The following SMARCA5 variants were observed in gnomAD, a reference collection of about 807,000 sequenced individuals.
SMARCA5 encodes the protein SWI/SNF-related matrix-associated actin-dependent regulator of chromatin subfamily A member 5.
SMARCA5 carries 18 observed loss-of-function variants against 140.4 expected under a neutral mutation model. The observed-to-expected ratio is 0.13, with a 90% confidence interval of 0.09 to 0.19. The LOEUF is 0.19. SMARCA5 is among the 10% of genes least tolerant of loss of function. The pLI, the probability that SMARCA5 is intolerant of heterozygous loss-of-function variation, is 1.00. For synonymous variants in SMARCA5, 449 were observed against 419.6 expected, an observed-to-expected ratio of 1.07 and a Z score of -0.86; for missense variants, 606 against 1,276.8, an observed-to-expected ratio of 0.47 and a Z score of 8.01.
chr4:143,535,707 T>C (rs919539019), intron 10 of SMARCA5, among the ~76,000 whole-genome samples: 1 of 152,174 alleles, frequency 6.6e-6, no homozygotes, highest in Non-Finnish European at 1.5e-5. Context: ...TATATCAGAA[T>C]TGAGATGGAA....
intron 5 of SMARCA5, 31 bp downstream of exon 5, chr4:143,525,582 T>C: frequency 1.5e-6 from 2 of 1,367,046 alleles, no homozygotes; most frequent in African/African-American, 1.4e-5. Flanking sequence ...TTGAAGGGTA[T>C]GTTTTGTATT....
intron 3 of SMARCA5, among the ~76,000 whole-genome samples, chr4:143,523,970 A>G (rs955403655): frequency 3.3e-5 from 5 of 152,134 alleles, no homozygotes. Flanking sequence ...CTGAGTCCTT[A>G]TGCTGCAGCT....
At chr4:143,549,915 A>G in intron 22 of SMARCA5, 82 bp from the exon 23 acceptor site, 1 of 718,714 alleles carries the variant, frequency 1.4e-6, no homozygotes, top group South Asian at 1.6e-5. Flanking sequence ...ATATTATCCT[A>G]TTAAAACATA....
Position 143,526,453 on chromosome 4 carries a change from A to G in SMARCA5, c.794A>G (p.Glu265Gly), listed in dbSNP as rs755173346. Residue 265 changes from glutamate to glycine, a missense_variant, in exon 6 of 24, where the codon GAA (glutamate) becomes GGA (glycine). By Grantham distance (98) the Glu-to-Gly change is moderately conservative (BLOSUM62 -2). Around this residue, in one of 10 missense-constraint regions of SMARCA5, gnomAD observed 110 missense variants for 287.7 expected, o/e 0.38. Transcript: ENST00000283131. ...LRSVCLIGDK[E>G]QRAAFVRDVL... Reference sequence around the variant, plus strand: ...TCTGTTTGTTTGATAGGAGATAAAGAACAAAGAGTAAGTTTCTAGTATTTC... The same window carrying G: ...TCTGTTTGTTTGATAGGAGATAAAGGACAAAGAGTAAGTTTCTAGTATTTC... 3 of 1,601,590 alleles carry G rather than the reference A, an allele frequency of 1.9e-6. No homozygotes were observed. In the South Asian group the frequency reaches 3.4e-5, roughly 18 times the overall value.
Position 143,548,141 on chromosome 4 carries a change from G to A in SMARCA5, c.2985+1G>A. 1 of 1,589,694 alleles carries A rather than the reference G, an allele frequency of 6.3e-7. No homozygotes were observed. Among genetic ancestry groups the A allele is most frequent in the Non-Finnish European group, 8.6e-7 (1 of 1,160,824 alleles). ...GTTTCTTAAGTCCAGAACTGCAATG[G>A]TGAGTGCTCAGGGCTTTTTTGTGTA... On this transcript the variant is annotated splice_donor_variant, in intron 22 of 23. Coordinates refer to ENST00000283131, the MANE Select transcript of SMARCA5 (RefSeq NM_003601.4). LOFTEE classifies it high-confidence loss of function.
At chr4:143,543,376 G>T in intron 14 of SMARCA5, 133 bp from the exon 15 acceptor site, 1 of 758,292 alleles carries the variant, frequency 1.3e-6, no homozygotes, top group East Asian at 2.8e-5. Context: ...TATTAGATGT[G>T]AATAAACAGT....
intron 17 of SMARCA5, 67 bp from the exon 18 acceptor site, chr4:143,545,403 G>A (rs1737503974): frequency 3.1e-6 from 3 of 957,120 alleles, no homozygotes; most frequent in Middle Eastern, 2.3e-4. Flanking sequence ...TATGAAGTGA[G>A]GACTAAGGAT....
chr4:143,528,923 C>CATT (rs939853711), intron 8 of SMARCA5, among the ~76,000 whole-genome samples: 2 of 151,736 alleles, frequency 1.3e-5, no homozygotes, highest in African/African-American at 2.4e-5. Flanking sequence ...AATCTTATTT[C>CATT]ATTATTATTA....
chr4:143,515,215 G>A (rs1008792585), intron 1 of SMARCA5, among the ~76,000 whole-genome samples: 3 of 152,114 alleles, frequency 2.0e-5, no homozygotes, highest in African/African-American at 7.2e-5. Flanking sequence ...GAGGCTTTTG[G>A]CACAGTAGTT....
chr4:143,520,795 G>A (rs1019051272), intron 2 of SMARCA5, among the ~76,000 whole-genome samples: 1 of 151,658 alleles, frequency 6.6e-6, no homozygotes, highest in Non-Finnish European at 1.5e-5. Flanking sequence ...AGGCTCTTAA[G>A]GTTTTTTTTG....
rs775801935 is a variant in SMARCA5 at position 143,553,102 on chromosome 4, CTTCT to C, written c.3094-16_3094-13del. On this transcript the variant is annotated splice_polypyrimidine_tract_variant and intron_variant, in intron 23 of 23. Coordinates refer to ENST00000283131, the MANE Select transcript of SMARCA5 (RefSeq NM_003601.4). Reference sequence around the variant, plus strand: ...TATATTAGTCTTGTGAAAAGTAATCCTTCTGTCTGTTTGTAGACACAGAAACGTA... The same window carrying C: ...TATATTAGTCTTGTGAAAAGTAATCCGTCTGTTTGTAGACACAGAAACGTA... 6 of 1,599,510 alleles carry C rather than the reference CTTCT, an allele frequency of 3.8e-6. No homozygotes were observed. The highest frequency in any genetic ancestry group is 5.1e-6 in the Non-Finnish European group (6 of 1,167,110).
rs139159597 is a variant in SMARCA5 at position 143,525,427 on chromosome 4, A to G, written c.521-24A>G. 3.5e-5 allele frequency: 50 copies of G among 1,427,194 alleles called. No individual in the cohort carries two copies. In the African/African-American group the frequency reaches 4.5e-4, roughly 13 times the overall value. The allele number at this position is 1,427,194 out of a possible 1,614,324, so 88.4% of individuals were successfully genotyped here. A position where few individuals can be genotyped will look rare whatever the true frequency, so the allele number is the denominator to read the frequency against. ...TTGTATTTCTTGTCTTAAAATGCCTATTGTGCTTTTCTTTTGTTCTTAGAT... is the reference window on the plus strand; with the variant it reads ...TTGTATTTCTTGTCTTAAAATGCCTGTTGTGCTTTTCTTTTGTTCTTAGAT... On this transcript the variant is annotated intron_variant, in intron 4 of 23. Transcript: ENST00000283131.
Position 143,526,357 on chromosome 4 carries a change from T to C in SMARCA5, c.698T>C (p.Met233Thr). 6.2e-7 allele frequency: 1 copy of C among 1,613,888 alleles called. No homozygotes were observed. Among genetic ancestry groups the C allele is most frequent in the Non-Finnish European group, 8.5e-7 (1 of 1,179,776 alleles). The change falls in exon 6 of 24, where the codon ATG (methionine) becomes ACG (threonine). Residue 233 changes from methionine to threonine, a missense_variant. This residue lies in a region of SMARCA5 where 110 missense variants were observed against 287.7 expected (regional missense o/e 0.38). Coordinates refer to ENST00000283131, the MANE Select transcript of SMARCA5 (RefSeq NM_003601.4). ...TATAGAAACATTCCTGGGCCTCATATGGTTTTGGTTCCTAAGTCTACATTA... is the reference window on the plus strand; with the variant it reads ...TATAGAAACATTCCTGGGCCTCATACGGTTTTGGTTCCTAAGTCTACATTA... ...KHYRNIPGPHMVLVPKSTLHN... is the reference protein window; with the variant it reads ...KHYRNIPGPHTVLVPKSTLHN...
chr4:143,551,365 T>A (rs895592444), intron 23 of SMARCA5, among the ~76,000 whole-genome samples: 3 of 152,148 alleles, frequency 2.0e-5, no homozygotes, highest in Non-Finnish European at 4.4e-5. Context: ...CTGTGGGATG[T>A]CTCTTCACTT....
chr4:143,518,625 A>G (rs902078374), intron 2 of SMARCA5, among the ~76,000 whole-genome samples: 5 of 152,116 alleles, frequency 3.3e-5, no homozygotes, highest in Admixed American at 2.0e-4. Flanking sequence ...TCTTAAAATT[A>G]TGGTATGTAT....
Position 143,556,180 on chromosome 4 carries a change from C to T in SMARCA5, c.*2996C>T, listed in dbSNP as rs944470479. Reference sequence around the variant, plus strand: ...TAAAGTCTGGAAAATGCTAAAAACACTTCTGGTTCCAGGCATTTCAGATAA... The same window carrying T: ...TAAAGTCTGGAAAATGCTAAAAACATTTCTGGTTCCAGGCATTTCAGATAA... On this transcript the variant is annotated 3_prime_UTR_variant, in exon 24 of 24. Coordinates refer to ENST00000283131, the MANE Select transcript of SMARCA5 (RefSeq NM_003601.4). 1.3e-5 allele frequency: 2 copies of T among 152,198 alleles called. No individual in the cohort carries two copies. The highest frequency in any genetic ancestry group is 2.9e-5 in the Non-Finnish European group (2 of 68,032). The allele number at this position is 152,198 out of a possible 1,614,324, so 9.4% of individuals were successfully genotyped here.
At chr4:143,533,482 G>A (rs1045397735) in intron 9 of SMARCA5, among the ~76,000 whole-genome samples, 1 of 149,328 alleles carries the variant, frequency 6.7e-6, no homozygotes, top group Non-Finnish European at 1.5e-5. Flanking sequence ...AGATCTTAAT[G>A]AGACCCTTGT....
chr4:143,533,311 A>T (rs1490756363), intron 9 of SMARCA5, among the ~76,000 whole-genome samples: 1 of 152,180 alleles, frequency 6.6e-6, no homozygotes, highest in Non-Finnish European at 1.5e-5. Flanking sequence ...TGGAAGGGAC[A>T]CAAAAATGAT....
At chr4:143,530,417 A>AT in intron 8 of SMARCA5, 41 bp from the exon 9 acceptor site, 1 of 1,321,594 alleles carries the variant, frequency 7.6e-7, no homozygotes, top group South Asian at 1.2e-5. Context: ...ATTTGTTAAT[A>AT]TTATCTCTGA....
Sources: allele counts gnomAD v4.1 joint callset (sites outside exome capture counted in the v4.1 genomes callset), GRCh38; gene constraint gnomAD v4.1.1; regional missense constraint gnomAD v4.1.1; transcripts MANE v1.5; gene names NCBI Gene and HGNC (gene_info 2026-07-23, HGNC 2026-07-21).